CNTNAP2: variants seen among roughly 807,000 people sequenced by gnomAD.
CNTNAP2 encodes contactin-associated protein-like 2.
CNTNAP2 carries 98 observed loss-of-function variants against 155.2 expected under a neutral mutation model. The ratio of observed to expected loss-of-function variants is 0.63; its 90% confidence interval spans 0.54 to 0.75. The LOEUF (loss-of-function observed/expected upper bound fraction) is 0.75. Among genes scored for constraint, CNTNAP2 ranks in the 30% least tolerant of loss-of-function variants. The pLI is 0.00. For missense variants in CNTNAP2, 1,727 were observed against 1,688.1 expected, an observed-to-expected ratio of 1.02 and a Z score of -0.40; for synonymous variants, 651 against 631.2, an observed-to-expected ratio of 1.03 and a Z score of -0.47.
chr7:148,043,999 A>G (rs140862876), intron 15 of CNTNAP2, among the ~76,000 whole-genome samples: 2 of 152,276 alleles, frequency 1.3e-5, no homozygotes, highest in East Asian at 3.9e-4. Context: ...TTCATGTCTT[A>G]CATGGTTAAA....
chr7:147,894,341 G>A (rs10244466), intron 13 of CNTNAP2: 2 of 152,270 alleles, frequency 1.3e-5, no homozygotes, highest in African/African-American at 4.8e-5. Flanking sequence ...GAAGAGAGAA[G>A]GAAGTAGGAG....
chr7:147,764,390 C>T (rs1231024616), intron 13 of CNTNAP2, among the ~76,000 whole-genome samples: 1 of 152,176 alleles, frequency 6.6e-6, no homozygotes. Context: ...GCTGAAAGCA[C>T]ACTCCAAATA....
chr7:146,722,564 G>A (rs1368086491), intron 1 of CNTNAP2, among the ~76,000 whole-genome samples: 1 of 152,120 alleles, frequency 6.6e-6, no homozygotes, highest in African/African-American at 2.4e-5. Context: ...GAGATGAGAT[G>A]AGGCCAATGA....
intron 12 of CNTNAP2, among the ~76,000 whole-genome samples, chr7:147,624,591 C>T (rs1794935823): frequency 6.6e-6 from 1 of 151,958 alleles, no homozygotes; most frequent in African/African-American, 2.4e-5. Flanking sequence ...TGGCTTATAT[C>T]CAAAAGACAG....
intron 2 of CNTNAP2, among the ~76,000 whole-genome samples, chr7:146,809,061 C>A (rs1803018562): frequency 6.6e-6 from 1 of 152,086 alleles, no homozygotes. Flanking sequence ...ATACTGATTT[C>A]AGTTTTTTTA....
intron 3 of CNTNAP2, among the ~76,000 whole-genome samples, chr7:146,903,528 T>A (rs1432280550): frequency 2.6e-5 from 4 of 152,246 alleles, no homozygotes; most frequent in Non-Finnish European, 4.4e-5. Context: ...ATGACAACTT[T>A]GTTCTTTTAT....
chr7:146,122,652 C>CCATTCATT (rs10656546), intron 1 of CNTNAP2, among the ~76,000 whole-genome samples: 21,052 of 151,062 alleles, frequency 0.14, 1,572 homozygotes, highest in African/African-American at 0.16. Context: ...CCAAACTCTC[C>CCATTCATT]CATTCATTCA....
intron 1 of CNTNAP2, among the ~76,000 whole-genome samples, chr7:146,774,041 G>C (rs968352940): frequency 1.3e-5 from 2 of 152,130 alleles, no homozygotes; most frequent in Non-Finnish European, 2.9e-5. Context: ...AAGTCCTTTG[G>C]AGTAATGTGC....
chr7:148,317,970 C>G lies in CNTNAP2; in HGVS notation c.3475+50844C>G, dbSNP rs533244638. Among the ~76,000 whole-genome samples the G allele has an allele frequency of 5.3e-5, 8 of 152,048 alleles. No individual in the cohort carries two copies. In the East Asian group the frequency reaches 1.6e-3, roughly 30 times the overall value. On this transcript the variant is annotated intron_variant, in intron 21 of 23. Coordinates refer to ENST00000361727, the MANE Select transcript of CNTNAP2 (RefSeq NM_014141.6). ...TGCTGGGATTACAGGCGTGAGCCTC[C>G]GTGCCCGGCCCTGCCCTGAGCTCAT...
At chr7:147,003,148 CAAATT>C (rs1257293071) in intron 3 of CNTNAP2, among the ~76,000 whole-genome samples, 1 of 151,636 alleles carries the variant, frequency 6.6e-6, no homozygotes. Flanking sequence ...ACATAAAAGG[CAAATT>C]AAATTCTGAG....
chr7:147,189,220 A>G (rs976803338), intron 8 of CNTNAP2, among the ~76,000 whole-genome samples: 9 of 152,230 alleles, frequency 5.9e-5, no homozygotes, highest in Non-Finnish European at 7.3e-5. Context: ...TTTATATTAT[A>G]AAACTATACA....
intron 13 of CNTNAP2, among the ~76,000 whole-genome samples, chr7:147,815,960 C>T (rs1426181186): frequency 1.3e-5 from 2 of 152,128 alleles, no homozygotes; most frequent in Admixed American, 6.6e-5. Context: ...GATATCCTTT[C>T]CTTGTGTTTA....
chr7:147,461,161 A>G (rs960101174), intron 10 of CNTNAP2, among the ~76,000 whole-genome samples: 2 of 152,192 alleles, frequency 1.3e-5, no homozygotes, highest in Non-Finnish European at 2.9e-5. Context: ...GCTTCACAGT[A>G]ATGACAAAAA....
chr7:146,791,298 G>A (rs1159658046), intron 2 of CNTNAP2, among the ~76,000 whole-genome samples: 1 of 152,080 alleles, frequency 6.6e-6, no homozygotes, highest in Non-Finnish European at 1.5e-5. Flanking sequence ...ACATAGTATT[G>A]CATGGTGTAT....
At chr7:148,394,045 A>G (rs1218469900) in intron 22 of CNTNAP2, among the ~76,000 whole-genome samples, 3 of 151,900 alleles carry the variant, frequency 2.0e-5, no homozygotes, top group African/African-American at 7.3e-5. Flanking sequence ...AAGTTACTAA[A>G]TTTTACATGG....
intron 12 of CNTNAP2, among the ~76,000 whole-genome samples, chr7:147,593,895 G>A (rs1800782452): frequency 6.6e-6 from 1 of 152,162 alleles, no homozygotes; most frequent in Non-Finnish European, 1.5e-5. Context: ...TGAAGGCTTA[G>A]TATAAAACAG....
chr7:148,192,169 G>A (rs1795209267), intron 18 of CNTNAP2, among the ~76,000 whole-genome samples: 1 of 152,052 alleles, frequency 6.6e-6, no homozygotes, highest in Non-Finnish European at 1.5e-5. Context: ...TAATTTTGTT[G>A]CATGCATGGA....
At chr7:146,137,941 G>A (rs1264208575) in intron 1 of CNTNAP2, among the ~76,000 whole-genome samples, 1 of 151,728 alleles carries the variant, frequency 6.6e-6, no homozygotes, top group Non-Finnish European at 1.5e-5. Flanking sequence ...TTCTTAATGA[G>A]CACCATATTT....
chr7:147,050,652 T>G (rs1430577989), intron 4 of CNTNAP2, among the ~76,000 whole-genome samples: 1 of 152,226 alleles, frequency 6.6e-6, no homozygotes, highest in Non-Finnish European at 1.5e-5. Context: ...GGTCACACAC[T>G]AACTCCCCTC....
Sources: gnomAD v4.1 joint callset for allele counts (sites outside exome capture counted in the v4.1 genomes callset) on GRCh38, gnomAD v4.1.1 for gene constraint, MANE v1.5 for transcripts, NCBI Gene and HGNC (gene_info 2026-07-23, HGNC 2026-07-21) for gene names.